The following ADGRB3 variants were observed in gnomAD, a reference collection of about 807,000 sequenced individuals.
The protein encoded by ADGRB3 is brain-specific angiogenesis inhibitor 3.
In ADGRB3, 37 loss-of-function variants were observed where a neutral mutation model predicts 193.4. That is an observed-to-expected ratio of 0.19 (90% CI 0.15 to 0.25). The LOEUF is 0.25. Ranked by LOEUF, ADGRB3 falls within the 10% of genes least tolerant of loss-of-function variation. The probability of loss-of-function intolerance (pLI) is 1.00; values close to 1 mark genes in which losing one functional copy is unlikely to be tolerated. For synonymous variants in ADGRB3, 690 were observed against 644.2 expected (o/e 1.07, Z -1.08); for missense variants, 1,637 against 1,852.9 (o/e 0.88, Z 2.14).
chr6:69,181,685 C>T (rs1775588809), intron 17 of ADGRB3, among the ~76,000 whole-genome samples: 1 of 152,146 alleles, frequency 6.6e-6, no homozygotes, highest in Non-Finnish European at 1.5e-5. Flanking sequence ...TCTTCTTAAG[C>T]TTTGCTTCGT....
chr6:68,785,734 C>T (rs1243370507), intron 3 of ADGRB3, among the ~76,000 whole-genome samples: 1 of 151,988 alleles, frequency 6.6e-6, no homozygotes. Context: ...ATCGCCACAC[C>T]AACTTCCACA....
chr6:68,784,376 T>G (rs1013776115), intron 3 of ADGRB3, among the ~76,000 whole-genome samples: 2 of 152,152 alleles, frequency 1.3e-5, no homozygotes, highest in Non-Finnish European at 2.9e-5. Flanking sequence ...ATCACCTTGA[T>G]CTGAGACAAA....
At chr6:68,989,145 A>T (rs1227999548) in intron 10 of ADGRB3, among the ~76,000 whole-genome samples, 1 of 152,202 alleles carries the variant, frequency 6.6e-6, no homozygotes, top group East Asian at 1.9e-4. Context: ...GCAAAACATT[A>T]TGAAGAAGAA....
intron 16 of ADGRB3, among the ~76,000 whole-genome samples, chr6:69,067,437 G>A (rs1771941411): frequency 6.6e-6 from 1 of 152,086 alleles, no homozygotes; most frequent in Non-Finnish European, 1.5e-5. Context: ...AGTGACAACT[G>A]TAACGAATAT....
chr6:68,992,220 AAAG>A (rs1399964548), intron 10 of ADGRB3, among the ~76,000 whole-genome samples: 1 of 152,204 alleles, frequency 6.6e-6, no homozygotes, highest in African/African-American at 2.4e-5. Flanking sequence ...AGTGGTTTTT[AAAG>A]AAGAGACCAT....
At chr6:69,302,473 T>C (rs563395245) in intron 20 of ADGRB3, among the ~76,000 whole-genome samples, 3 of 152,040 alleles carry the variant, frequency 2.0e-5, no homozygotes, top group South Asian at 2.1e-4. Context: ...TCTCCTGATA[T>C]TGAACAATGA....
At chr6:69,245,377 A>C (rs2127263898) in intron 20 of ADGRB3, among the ~76,000 whole-genome samples, 1 of 152,208 alleles carries the variant, frequency 6.6e-6, no homozygotes, top group South Asian at 2.1e-4. Context: ...ATTGAAGCAT[A>C]TTTTGTTTAT....
chr6:69,336,706 G>A (rs1463005121), intron 24 of ADGRB3, among the ~76,000 whole-genome samples: 2 of 151,558 alleles, frequency 1.3e-5, no homozygotes, highest in African/African-American at 2.4e-5. Flanking sequence ...ACAACTCAAG[G>A]TTTTTTTTAC....
chr6:68,754,821 C>T (rs1766268872), intron 3 of ADGRB3, among the ~76,000 whole-genome samples: 1 of 151,992 alleles, frequency 6.6e-6, no homozygotes, highest in African/African-American at 2.4e-5. Context: ...TGAAGTCTAA[C>T]CCTTGCACAA....
chr6:68,883,557 A>G (rs1765800862), intron 3 of ADGRB3, among the ~76,000 whole-genome samples: 1 of 152,168 alleles, frequency 6.6e-6, no homozygotes, highest in Admixed American at 6.5e-5. Flanking sequence ...TCTTGAGGTC[A>G]GCGAGACCAC....
At chr6:68,726,043 T>C (rs2127327698) in intron 3 of ADGRB3, among the ~76,000 whole-genome samples, 1 of 151,692 alleles carries the variant, frequency 6.6e-6, no homozygotes, top group South Asian at 2.1e-4. Context: ...TTATTGGCTA[T>C]AAAATTCCCC....
intron 17 of ADGRB3, among the ~76,000 whole-genome samples, chr6:69,169,478 T>C (rs1469216096): frequency 2.0e-5 from 3 of 150,592 alleles, no homozygotes; most frequent in Middle Eastern, 3.2e-3. Context: ...AAATAATATT[T>C]AATGATATAA....
At chr6:69,121,606 G>A (rs530260432) in intron 17 of ADGRB3, among the ~76,000 whole-genome samples, 9 of 150,870 alleles carry the variant, frequency 6.0e-5, no homozygotes, top group Middle Eastern at 7.0e-3. Context: ...GGACAGAGGC[G>A]CTCCTCACTT....
chr6:69,046,324 A>G (rs963256845), intron 13 of ADGRB3, among the ~76,000 whole-genome samples: 2 of 152,224 alleles, frequency 1.3e-5, no homozygotes, highest in African/African-American at 2.4e-5. Context: ...GTTAAGGCAT[A>G]TAACAGTAGA....
intron 3 of ADGRB3, among the ~76,000 whole-genome samples, chr6:68,882,236 A>G (rs1765752878): frequency 6.6e-6 from 1 of 152,214 alleles, no homozygotes; most frequent in African/African-American, 2.4e-5. Context: ...AAGGAAAAAT[A>G]TATTTAGATT....
chr6:69,382,802 G>C (rs1201457006), intron 30 of ADGRB3, 29 bp from the exon 31 acceptor site: 12 of 1,460,962 alleles, frequency 8.2e-6, no homozygotes, highest in African/African-American at 1.4e-5. Flanking sequence ...TCAAGTTGGG[G>C]ATGAGAGCTA....
chr6:69,272,810 T>C (rs980159239), intron 20 of ADGRB3, among the ~76,000 whole-genome samples: 2 of 152,238 alleles, frequency 1.3e-5, no homozygotes, highest in Non-Finnish European at 2.9e-5. Context: ...GCCTGTTCCC[T>C]GGCAGCTAGT....
chr6:68,794,158 A>G (rs11966545), intron 3 of ADGRB3, among the ~76,000 whole-genome samples: 8,143 of 152,184 alleles, frequency 0.054, 676 homozygotes, highest in African/African-American at 0.18. Flanking sequence ...CTCGTAGTAA[A>G]TAAATTGCTT....
chr6:69,169,131 A>G (rs1775206208), intron 17 of ADGRB3, among the ~76,000 whole-genome samples: 1 of 152,092 alleles, frequency 6.6e-6, no homozygotes, highest in Non-Finnish European at 1.5e-5. Context: ...AAACAGATAT[A>G]CCTTAAAAAA....
Sources: allele counts gnomAD v4.1 joint callset (sites outside exome capture counted in the v4.1 genomes callset), GRCh38; gene constraint gnomAD v4.1.1; transcripts MANE v1.5; gene names NCBI Gene and HGNC (gene_info 2026-07-23, HGNC 2026-07-21).